The following POLA1 variants were observed in gnomAD, a reference collection of about 807,000 sequenced individuals.
POLA1 encodes the protein DNA polymerase alpha 1, catalytic subunit, also known as DNA polymerase alpha catalytic subunit.
A neutral mutation model predicts 124.0 loss-of-function variants in POLA1; 15 were observed. The observed-to-expected ratio is 0.12, with a 90% CI of 0.08 to 0.19. POLA1 has a LOEUF of 0.19. Among genes scored for constraint, POLA1 ranks in the 10% least tolerant of loss-of-function variants. POLA1 has a pLI of 1.00. For synonymous variants in POLA1, 408 were observed against 389.4 expected, an observed-to-expected ratio of 1.05 and a Z score of -0.56; for missense variants, 886 against 1,103.4, an observed-to-expected ratio of 0.80 and a Z score of 2.79.
At chrX:24,800,124 G>A (rs955736193) in intron 26 of POLA1, among the ~76,000 whole-genome samples, 16 of 111,703 alleles carry the variant, frequency 1.4e-4, no homozygotes, top group African/African-American at 5.2e-4. Context: ...CTGTAGGTAG[G>A]GGCTGAAAAC....
At chrX:24,946,148 C>T (rs1468259154) in intron 36 of POLA1, among the ~76,000 whole-genome samples, 2 of 111,179 alleles carry the variant, frequency 1.8e-5, no homozygotes, top group Non-Finnish European at 3.8e-5. Context: ...CTAACCCAAA[C>T]GTGGTACTTA....
intron 19 of POLA1, among the ~76,000 whole-genome samples, chrX:24,738,246 A>AG (rs1931420615): frequency 9.4e-6 from 1 of 106,316 alleles, no homozygotes; most frequent in Non-Finnish European, 1.9e-5. Context: ...AAAAAAAAAA[A>AG]GCCTCTGGTA....
intron 36 of POLA1, among the ~76,000 whole-genome samples, chrX:24,943,563 G>A (rs1487445456): frequency 8.9e-6 from 1 of 112,216 alleles, no homozygotes; most frequent in African/African-American, 3.2e-5. Flanking sequence ...GTAAAAGAAA[G>A]CGTCTGAACA....
intron 34 of POLA1, among the ~76,000 whole-genome samples, chrX:24,886,349 A>T (rs1333576404): frequency 8.9e-6 from 1 of 112,279 alleles, no homozygotes; most frequent in East Asian, 2.8e-4. Context: ...TGAAAAGCTC[A>T]TATTAAATTT....
At chrX:24,914,840 A>G (rs2047507760) in intron 35 of POLA1, among the ~76,000 whole-genome samples, 1 of 111,882 alleles carries the variant, frequency 8.9e-6, no homozygotes, top group Admixed American at 9.5e-5. Context: ...TCTTTATTTC[A>G]CTACAGCCAG....
chrX:24,884,171 C>T (rs896501461), intron 34 of POLA1, among the ~76,000 whole-genome samples: 2 of 111,160 alleles, frequency 1.8e-5, no homozygotes, highest in Admixed American at 9.6e-5. Context: ...TTTTTTGAGA[C>T]AGGATCTCAC....
chrX:24,825,088 C>T lies in POLA1; in HGVS notation c.3562-1339C>T, dbSNP rs746078020. On this transcript the variant is annotated intron_variant, in intron 31 of 36. Coordinates refer to ENST00000379068, the MANE Select transcript of POLA1 (RefSeq NM_001330360.2). ...ATTGAGTTGTGTGAAAAGACACTGC[C>T]GGAGGATTTTTTCACGTGGTTTTTA... 3.7e-4 allele frequency among the ~76,000 whole-genome samples: 41 copies of T among 111,580 alleles called. No individual in the cohort carries two copies. The South Asian group carries it at 6.7e-3, about 18-fold the overall frequency.
At position 24,812,587 on chromosome X, in the gene POLA1, A is replaced by G. The variant is rs2045922069; in HGVS notation, c.3091-71A>G. On this transcript the variant is annotated intron_variant, in intron 28 of 36. Coordinates refer to ENST00000379068, the MANE Select transcript of POLA1 (RefSeq NM_001330360.2). ...ATTCTGTTTAGATTAACTCTTGGGA[A>G]TTTGTAACATGTTCATCTTCTCCCT... The G allele has an allele frequency of 4.7e-6, 3 of 638,264 alleles. No homozygotes were observed. In the African/African-American group the frequency reaches 6.6e-5, roughly 14 times the overall value. The allele number at this position is 638,264 out of a possible 1,213,427, so 52.6% of individuals were successfully genotyped here.
intron 10 of POLA1, among the ~76,000 whole-genome samples, chrX:24,719,651 C>G (rs936464265): frequency 1.3e-4 from 15 of 111,385 alleles, no homozygotes; most frequent in Admixed American, 9.6e-4. Context: ...TGGAGCTGGG[C>G]AGCACACTGG....
intron 35 of POLA1, among the ~76,000 whole-genome samples, chrX:24,914,528 C>CA (rs10715174): frequency 1.0e-3 from 85 of 83,776 alleles, no homozygotes; most frequent in Admixed American, 1.9e-3. Context: ...CCCACCCCCG[C>CA]AAAAAAAAAA....
Position 24,821,570 on chromosome X carries a change from A to G in POLA1, c.3548A>G (p.Tyr1183Cys). 8.3e-7 allele frequency: 1 copy of G among 1,200,453 alleles called. No individual in the cohort carries two copies. Among genetic ancestry groups the G allele is most frequent in the Non-Finnish European group, 1.1e-6 (1 of 887,287 alleles). The change falls in exon 31 of 37, where the codon TAT becomes TGT. Residue 1183 changes from tyrosine to cysteine, a missense_variant. Transcript: ENST00000379068. ...GTGAAAGCTGGAGATACTGTGTCAT[A>G]TGTCATCTGTCAGGTAAACTATTGA... ...RKVKAGDTVS[Y>C]VICQDGSNLT... is the part of the protein sequence containing the mutation.
At chrX:24,763,306 A>T (rs759185862) in intron 26 of POLA1, among the ~76,000 whole-genome samples, 1 of 111,132 alleles carries the variant, frequency 9.0e-6, no homozygotes, top group South Asian at 3.8e-4. Flanking sequence ...GGGGCTTAGG[A>T]TGGGGAAGGT....
chrX:24,749,254 C>T (rs1209936994), intron 26 of POLA1, among the ~76,000 whole-genome samples: 2 of 106,573 alleles, frequency 1.9e-5, no homozygotes, highest in African/African-American at 6.9e-5. Context: ...AAGACCTAAA[C>T]GATCCCTGTT....
intron 36 of POLA1, among the ~76,000 whole-genome samples, chrX:24,934,529 T>C (rs2047823778): frequency 8.9e-6 from 1 of 112,252 alleles, no homozygotes; most frequent in African/African-American, 3.2e-5. Flanking sequence ...AGAAAGAAAC[T>C]TTTTTTTCTG....
In POLA1 at chrX:24,930,533, T is replaced by G; in HGVS notation, c.4245T>G (p.Thr1415=). The G allele has an allele frequency of 8.6e-7, 1 of 1,159,800 alleles. No individual in the cohort carries two copies. Among genetic ancestry groups the G allele is most frequent in the Admixed American group, 2.2e-5 (1 of 46,043 alleles). Residue 1415 remains threonine, a synonymous_variant, in exon 36 of 37, where the codon ACT becomes ACG. Transcript: ENST00000379068. ...FDAECALEKL[T]TDHEKDKLKK... ...CGGAGTGTGCACTGGAGAAACTTAC[T>G]ACCGATCATGAGAAAGGTACGTTAA...
chrX:24,754,794 T>G (rs1932515433), intron 26 of POLA1, among the ~76,000 whole-genome samples: 1 of 112,161 alleles, frequency 8.9e-6, no homozygotes, highest in Non-Finnish European at 1.9e-5. Context: ...ATACATATTC[T>G]TTTGCAGTTT....
rs751484543 is a variant in POLA1, at chrX:24,831,850, T to C, written c.3736+5249T>C. Among the ~76,000 whole-genome samples, 8 of 112,559 alleles carry C rather than the reference T, an allele frequency of 7.1e-5. No homozygotes were observed. The Admixed American group carries it at 7.5e-4, about 10-fold the overall frequency. On this transcript the variant is annotated intron_variant, in intron 32 of 36. Transcript: ENST00000379068. ...CATCTCTTACAAGATGGAGTGCCAT[T>C]CCAAGCATATCATCCAGTGGCTCAT... is the stretch of plus-strand genomic sequence containing the variant.
intron 35 of POLA1, among the ~76,000 whole-genome samples, chrX:24,908,286 G>A (rs980715528): frequency 1.6e-4 from 17 of 109,162 alleles, no homozygotes; most frequent in Non-Finnish European, 3.0e-4. Flanking sequence ...CGTGTACAAC[G>A]TGCAGGTTTG....
chrX:24,759,243 T>C (rs1478214330), intron 26 of POLA1, among the ~76,000 whole-genome samples: 1 of 112,368 alleles, frequency 8.9e-6, no homozygotes, highest in African/African-American at 3.2e-5. Context: ...ATTGGATTTC[T>C]TATTACTAGA....
Sources: allele counts gnomAD v4.1 joint callset (sites outside exome capture counted in the v4.1 genomes callset), GRCh38; gene constraint gnomAD v4.1.1; transcripts MANE v1.5; gene names NCBI Gene and HGNC (gene_info 2026-07-23, HGNC 2026-07-21).